Variants in TYW1B observed in about 807,000 individuals in gnomAD.
TYW1B encodes the protein S-adenosyl-L-methionine-dependent tRNA 4-demethylwyosine synthase TYW1B.
TYW1B carries 73 observed loss-of-function variants against 86.9 expected under a neutral mutation model. The observed-to-expected ratio is 0.84, with a 90% CI of 0.70 to 1.02. The LOEUF (loss-of-function observed/expected upper bound fraction) is 1.02, where lower values mean the gene tolerates loss of function less well. Among genes scored for constraint, TYW1B ranks in the 50% least tolerant of loss-of-function variants. The pLI, the probability that TYW1B is intolerant of heterozygous loss-of-function variation, is 0.00. For missense variants in TYW1B, 637 were observed against 827.4 expected, an observed-to-expected ratio of 0.77 and a Z score of 2.82; for synonymous variants, 248 against 292.8, an observed-to-expected ratio of 0.85 and a Z score of 1.56.
intron 13 of TYW1B, among the ~76,000 whole-genome samples, chr7:72,606,853 A>G (rs1466174691): frequency 1.6e-4 from 25 of 152,206 alleles, no homozygotes; most frequent in African/African-American, 5.3e-4. Context: ...CCCACAGTGC[A>G]GTGTCAAAGG....
intron 10 of TYW1B, among the ~76,000 whole-genome samples, chr7:72,696,903 C>T (rs1236067813): frequency 5.3e-5 from 8 of 151,998 alleles, no homozygotes; most frequent in Admixed American, 5.2e-4. Context: ...CACTACTGAG[C>T]AAAGCACGTT....
intron 10 of TYW1B, among the ~76,000 whole-genome samples, chr7:72,698,841 CG>C (rs781951048): frequency 6.6e-6 from 1 of 152,106 alleles, no homozygotes; most frequent in African/African-American, 2.4e-5. Context: ...CAAGAGAATA[CG>C]GATGATCTGT....
intron 10 of TYW1B, among the ~76,000 whole-genome samples, chr7:72,698,143 CAGGAGGAAGAG>C (rs1814367932): frequency 6.6e-6 from 1 of 152,040 alleles, no homozygotes; most frequent in South Asian, 2.1e-4. Flanking sequence ...CCAAATAGCT[CAGGAGGAAGAG>C]AGGAGGAGGG....
At chr7:72,620,249 T>G (rs1478167161) in intron 12 of TYW1B, among the ~76,000 whole-genome samples, 4 of 151,404 alleles carry the variant, frequency 2.6e-5, no homozygotes, top group Non-Finnish European at 4.4e-5. Flanking sequence ...ATACAAAAAT[T>G]GGCTGGGCGT....
chr7:72,738,598 C>T (rs1432986773), intron 8 of TYW1B, among the ~76,000 whole-genome samples: 1 of 152,112 alleles, frequency 6.6e-6, no homozygotes, highest in Non-Finnish European at 1.5e-5. Context: ...CTCCTTGGTT[C>T]TAACAATAAA....
rs781801843 is a variant in TYW1B, at chr7:72,697,031, TAAAAAAAAAA to T, written c.1371-2219_1371-2210del. On this transcript the variant is annotated intron_variant, in intron 10 of 13. Transcript: ENST00000620995. The stretch of plus-strand genomic sequence containing the variant: ...ATGCTTCCTTAACTGGATTTCTACT[TAAAAAAAAAA>T]AAAAAAAAAAAAAAAAAAAAGGACT... 1.7e-4 allele frequency among the ~76,000 whole-genome samples: 23 copies of T among 137,958 alleles called. No homozygotes were observed. In the East Asian group the frequency reaches 5.4e-3, roughly 33 times the overall value. 90.5% of individuals were successfully genotyped at this position (137,958 alleles called of 152,430 possible).
chr7:72,808,314 G>T (rs1788534211), intron 4 of TYW1B, among the ~76,000 whole-genome samples: 1 of 151,926 alleles, frequency 6.6e-6, no homozygotes, highest in South Asian at 2.1e-4. Context: ...AGCTGGATGT[G>T]TGGTGGGCGC....
rs1554428092 is a variant in TYW1B at position 72,574,622 on chromosome 7, C to T, written c.*876G>A. 1 of 985,296 alleles carries T rather than the reference C, an allele frequency of 1.0e-6. No individual in the cohort carries two copies. Among genetic ancestry groups the T allele is most frequent in the Non-Finnish European group, 1.2e-6 (1 of 829,950 alleles). 61.0% of individuals were successfully genotyped at this position (985,296 alleles called of 1,614,324 possible). ...ATTTATGATCTTTCCAACTTGAAAA[C>T]ACCTGAACCTTATAGAACAGATTGT... On this transcript the variant is annotated 3_prime_UTR_variant, in exon 14 of 14. Coordinates refer to ENST00000620995, the MANE Select transcript of TYW1B (RefSeq NM_001145440.3).
chr7:72,714,392 G>A (rs186788570), intron 9 of TYW1B, among the ~76,000 whole-genome samples: 2 of 149,868 alleles, frequency 1.3e-5, no homozygotes, highest in Admixed American at 6.6e-5. Context: ...CAAGGCAGGA[G>A]GATTGCTTCA....
intron 5 of TYW1B, among the ~76,000 whole-genome samples, chr7:72,803,825 GCTGGTCT>G (rs1171898693): frequency 2.0e-5 from 3 of 151,750 alleles, no homozygotes; most frequent in Admixed American, 1.3e-4. Flanking sequence ...TGTCAGCCAG[GCTGGTCT>G]CAGACTCCTG....
chr7:72,655,053 T>C (rs555214548), intron 11 of TYW1B, among the ~76,000 whole-genome samples: 20 of 152,194 alleles, frequency 1.3e-4, no homozygotes, highest in African/African-American at 4.3e-4. Context: ...GGAGATGTCA[T>C]CAAGATGGTT....
intron 7 of TYW1B, among the ~76,000 whole-genome samples, chr7:72,768,435 G>A (rs537356844): frequency 7.2e-5 from 11 of 152,104 alleles, no homozygotes; most frequent in South Asian, 6.2e-4. Flanking sequence ...GACCTGCTAT[G>A]GCAGTGAAAA....
Position 72,709,084 on chromosome 7 carries a change from C to T in TYW1B, c.1370+4537G>A, listed in dbSNP as rs1288709280. ...TTTCAGAAAAAGGTAAGATGAAAGA[C>T]TATGTCCTCAACCCATGTCTACCAG... On this transcript the variant is annotated intron_variant, in intron 10 of 13. Coordinates refer to ENST00000620995, the MANE Select transcript of TYW1B (RefSeq NM_001145440.3). Among the ~76,000 whole-genome samples the T allele has an allele frequency of 4.1e-3, 622 of 151,756 alleles. 1 individual carries two copies. Among genetic ancestry groups the T allele is most frequent in the Non-Finnish European group, 6.3e-3 (427 of 67,648 alleles).
At chr7:72,643,631 A>G (rs1812856638) in intron 11 of TYW1B, among the ~76,000 whole-genome samples, 2 of 152,090 alleles carry the variant, frequency 1.3e-5, no homozygotes. Flanking sequence ...AAAAATATGC[A>G]TACTATTATT....
At chr7:72,766,630 A>T (rs1183887876) in intron 7 of TYW1B, among the ~76,000 whole-genome samples, 1 of 140,336 alleles carries the variant, frequency 7.1e-6, no homozygotes. Context: ...AAAAAAAAAA[A>T]AAACATAACT....
At chr7:72,695,787 G>C (rs1554451360) in intron 10 of TYW1B, among the ~76,000 whole-genome samples, 1 of 151,778 alleles carries the variant, frequency 6.6e-6, no homozygotes, top group African/African-American at 2.4e-5. Flanking sequence ...TAGAGACAGG[G>C]GTCCCACTAC....
At chr7:72,772,809 A>T (rs1446868409) in intron 7 of TYW1B, among the ~76,000 whole-genome samples, 4 of 152,222 alleles carry the variant, frequency 2.6e-5, no homozygotes, top group African/African-American at 9.6e-5. Flanking sequence ...GCATAAGTGG[A>T]TCAGTGGCTG....
rs540338410 is a variant in TYW1B at position 72,821,041 on chromosome 7, T to G, written c.136-5560A>C. The stretch of plus-strand genomic sequence containing the variant: ...AGGCTGGAGTGCAGTGGCGCCATCT[T>G]GGCTCACTGCAACCTCTGCCTCCCG... On this transcript the variant is annotated intron_variant, in intron 2 of 13. Coordinates refer to ENST00000620995, the MANE Select transcript of TYW1B (RefSeq NM_001145440.3). Among the ~76,000 whole-genome samples the G allele has an allele frequency of 2.1e-3, 318 of 152,326 alleles. 1 individual carries two copies. The highest frequency in any genetic ancestry group is 2.9e-3 in the Non-Finnish European group (198 of 68,022).
chr7:72,751,748 G>A (rs572696686), intron 7 of TYW1B, among the ~76,000 whole-genome samples: 9 of 152,294 alleles, frequency 5.9e-5, no homozygotes, highest in African/African-American at 1.7e-4. Context: ...GGAAATTCTA[G>A]ACCCTGGTTC....
Sources: allele counts gnomAD v4.1 joint callset (sites outside exome capture counted in the v4.1 genomes callset), GRCh38; gene constraint gnomAD v4.1.1; transcripts MANE v1.5; gene names NCBI Gene and HGNC (gene_info 2026-07-23, HGNC 2026-07-21).